The following RBFOX1 variants were observed in gnomAD, a reference collection of about 807,000 sequenced individuals.
RBFOX1 encodes RNA binding protein fox-1 homolog 1.
Under a neutral mutation model 57.7 loss-of-function variants are expected in RBFOX1, and 8 were observed. That is an observed-to-expected ratio of 0.14 (90% CI 0.08 to 0.25). RBFOX1 has a LOEUF of 0.25. Ranked by LOEUF, RBFOX1 falls within the 10% of genes least tolerant of loss-of-function variation. The pLI is 1.00. For missense variants in RBFOX1, 611 were observed against 548.5 expected, an observed-to-expected ratio of 1.11 and a Z score of -1.14; for synonymous variants, 326 against 222.4, an observed-to-expected ratio of 1.47 and a Z score of -4.15.
At chr16:6,361,680 T>C (rs550400071) in intron 2 of RBFOX1, among the ~76,000 whole-genome samples, 1 of 151,344 alleles carries the variant, frequency 6.6e-6, no homozygotes, top group Middle Eastern at 3.5e-3. Context: ...GGCTAATTAG[T>C]GTTACCTGGA....
At chr16:6,420,192 T>C (rs1469261414) in intron 2 of RBFOX1, among the ~76,000 whole-genome samples, 1 of 152,176 alleles carries the variant, frequency 6.6e-6, no homozygotes, top group Non-Finnish European at 1.5e-5. Context: ...CTCTTTCCCT[T>C]TCTCTTCAGC....
intron 4 of RBFOX1, among the ~76,000 whole-genome samples, chr16:5,928,552 G>T (rs1433205243): frequency 6.6e-6 from 1 of 151,916 alleles, no homozygotes; most frequent in Non-Finnish European, 1.5e-5. Flanking sequence ...AAATAAAATT[G>T]TTATGTTAGG....
chr16:5,301,665 G>T (rs917172874), intron 1 of RBFOX1, among the ~76,000 whole-genome samples: 2 of 149,936 alleles, frequency 1.3e-5, no homozygotes, highest in Admixed American at 6.7e-5. Flanking sequence ...ACTGAGCTTG[G>T]ATACACAGAG....
At chr16:5,426,181 C>T (rs913331271) in intron 1 of RBFOX1, among the ~76,000 whole-genome samples, 4 of 152,058 alleles carry the variant, frequency 2.6e-5, no homozygotes, top group African/African-American at 9.7e-5. Flanking sequence ...CTGAACCTGC[C>T]CGGTGCAATT....
Position 6,808,429 on chromosome 16 carries a change from G to A in RBFOX1, c.-16+153779G>A, listed in dbSNP as rs192574122. Among the ~76,000 whole-genome samples, 233 of 152,094 alleles carry A rather than the reference G, an allele frequency of 1.5e-3. 1 individual carries two copies. Among genetic ancestry groups the A allele is most frequent in the Admixed American group, 3.1e-3 (48 of 15,266 alleles). On this transcript the variant is annotated intron_variant, in intron 3 of 15. Coordinates refer to ENST00000550418, the MANE Select transcript of RBFOX1 (RefSeq NM_018723.4). ...TGGAAGCAGAGTTCCTTTTCTTGCAGTGAATAAACTACATCCCAAGGATCT... is the reference window on the plus strand; with the variant it reads ...TGGAAGCAGAGTTCCTTTTCTTGCAATGAATAAACTACATCCCAAGGATCT...
chr16:7,434,503 T>TA (rs889011149), intron 4 of RBFOX1, among the ~76,000 whole-genome samples: 12 of 150,802 alleles, frequency 8.0e-5, no homozygotes, highest in South Asian at 4.2e-4. Flanking sequence ...AAAATAAAAA[T>TA]AAAAAAAATC....
intron 3 of RBFOX1, chr16:6,721,969 C>G (rs967645120): frequency 6.5e-6 from 1 of 153,538 alleles, no homozygotes; most frequent in Non-Finnish European, 1.5e-5. Context: ...CTCGCCCTGT[C>G]CTAAGGTTCA....
At chr16:6,801,884 G>A (rs2085550323) in intron 3 of RBFOX1, among the ~76,000 whole-genome samples, 1 of 152,066 alleles carries the variant, frequency 6.6e-6, no homozygotes, top group Non-Finnish European at 1.5e-5. Context: ...TTCATTTATT[G>A]TCATCTGTAC....
At chr16:5,923,872 C>T (rs754678778) in intron 4 of RBFOX1, among the ~76,000 whole-genome samples, 5 of 152,130 alleles carry the variant, frequency 3.3e-5, no homozygotes, top group Admixed American at 1.3e-4. Context: ...TCATGACTTC[C>T]TGTCCTTTCC....
chr16:5,414,322 T>C (rs1164366040), intron 1 of RBFOX1, among the ~76,000 whole-genome samples: 1 of 152,158 alleles, frequency 6.6e-6, no homozygotes, highest in Non-Finnish European at 1.5e-5. Context: ...AGGGTCCAGA[T>C]TCAGTGTTTG....
At position 6,473,428 on chromosome 16, in the gene RBFOX1, C is replaced by G. The variant is rs544288650; in HGVS notation, c.-64+156371C>G. Among the ~76,000 whole-genome samples the G allele has an allele frequency of 2.2e-4, 33 of 152,204 alleles. No homozygotes were observed. The East Asian group carries it at 5.8e-3, about 27-fold the overall frequency. ...GGTATGTATCTCCACTGACTCACCC[C>G]CATTTCATCACAAGGCTATTTCCCA... On this transcript the variant is annotated intron_variant, in intron 2 of 15. Coordinates refer to ENST00000550418, the MANE Select transcript of RBFOX1 (RefSeq NM_018723.4).
rs141061825 is a variant in RBFOX1 at position 5,390,720 on chromosome 16, C to G, written c.220-76496C>G. Among the ~76,000 whole-genome samples the G allele has an allele frequency of 3.5e-3, 531 of 152,280 alleles. 6 individuals are homozygous for G. Among genetic ancestry groups the G allele is most frequent in the African/African-American group, 0.012 (515 of 41,550 alleles). ...TACCCCATCTCCAGGATGACCCACA[C>G]CTAACCCCAATCAGTTCACATTATT... is the stretch of plus-strand genomic sequence containing the variant. On this transcript the variant is annotated intron_variant, in intron 1 of 2. Transcript: ENST00000585867.
chr16:6,853,093 C>T (rs73536559), intron 3 of RBFOX1, among the ~76,000 whole-genome samples: 14,673 of 152,158 alleles, frequency 0.096, 2,333 homozygotes, highest in African/African-American at 0.33. Context: ...ACAGTTCTAT[C>T]CCTCCCTCCA....
rs1376432522 is a variant in RBFOX1 at position 5,732,286 on chromosome 16, A to G, written c.318+133325A>G. Among the ~76,000 whole-genome samples the G allele has an allele frequency of 3.3e-5, 5 of 152,194 alleles. No individual in the cohort carries two copies. In the South Asian group the frequency reaches 8.3e-4, roughly 25 times the overall value. On this transcript the variant is annotated intron_variant, in intron 3 of 19. Transcript: ENST00000641259. ...CAGTGGAGTTGGTTATTAAAATTCA[A>G]GAGTTTAAAGACCTGGAGCCAAGAG...
chr16:6,936,770 C>A (rs1461142641), intron 3 of RBFOX1, among the ~76,000 whole-genome samples: 4 of 151,936 alleles, frequency 2.6e-5, no homozygotes, highest in Non-Finnish European at 5.9e-5. Context: ...TAATTCAAAG[C>A]AGATAAAATT....
At chr16:6,883,761 T>A (rs1198571762) in intron 3 of RBFOX1, among the ~76,000 whole-genome samples, 1 of 152,196 alleles carries the variant, frequency 6.6e-6, no homozygotes, top group East Asian at 1.9e-4. Flanking sequence ...CTTATAGATG[T>A]TGTGAGCTGA....
At chr16:7,316,125 T>A (rs2096433424) in intron 4 of RBFOX1, among the ~76,000 whole-genome samples, 1 of 152,326 alleles carries the variant, frequency 6.6e-6, no homozygotes, top group East Asian at 1.9e-4. Flanking sequence ...TCATGCAGCG[T>A]GCCAAGAAGA....
At chr16:5,831,436 C>G (rs190592011) in intron 3 of RBFOX1, among the ~76,000 whole-genome samples, 1 of 151,708 alleles carries the variant, frequency 6.6e-6, no homozygotes, top group African/African-American at 2.4e-5. Flanking sequence ...GTTTGTATAT[C>G]CTGTAGAACT....
At chr16:6,684,916 T>A (rs1458685733) in intron 3 of RBFOX1, among the ~76,000 whole-genome samples, 2 of 152,228 alleles carry the variant, frequency 1.3e-5, no homozygotes, top group Non-Finnish European at 2.9e-5. Context: ...CTAGGCATAC[T>A]TTATACATTT....
Sources: gnomAD v4.1 joint callset for allele counts (sites outside exome capture counted in the v4.1 genomes callset) on GRCh38, gnomAD v4.1.1 for gene constraint, MANE v1.5 for transcripts, NCBI Gene and HGNC (gene_info 2026-07-23, HGNC 2026-07-21) for gene names.